PCA3: variants seen among roughly 807,000 people sequenced by gnomAD.
PCA3 encodes the protein prostate cancer associated 3.
intron 2 of PCA3, among the ~76,000 whole-genome samples, chr9:76,780,712 CAAACAA>C (rs1173300332): frequency 1.3e-5 from 2 of 152,032 alleles, no homozygotes; most frequent in African/African-American, 2.4e-5. Context: ...AACAAACAAA[CAAACAA>C]AAACAAGCAG....
chr9:76,775,313 T>TC (rs2053615010), intron 2 of PCA3, among the ~76,000 whole-genome samples: 1 of 152,186 alleles, frequency 6.6e-6, no homozygotes, highest in African/African-American at 2.4e-5. Flanking sequence ...TCTTTTTTTT[T>TC]TGAGACAAGG....
At chr9:76,777,077 C>G (rs995882320) in intron 2 of PCA3, among the ~76,000 whole-genome samples, 4 of 152,012 alleles carry the variant, frequency 2.6e-5, no homozygotes, top group African/African-American at 9.7e-5. Flanking sequence ...CCTTCTTTCT[C>G]CCCTGCCCCA....
intron 2 of PCA3, among the ~76,000 whole-genome samples, chr9:76,767,653 C>T (rs192935036): frequency 6.6e-6 from 1 of 152,276 alleles, no homozygotes; most frequent in Admixed American, 6.5e-5. Flanking sequence ...TCCTCCTCCC[C>T]TAACAGGAGG....
At chr9:76,765,522 C>T (rs1426048576) in intron 2 of PCA3, among the ~76,000 whole-genome samples, 1 of 152,124 alleles carries the variant, frequency 6.6e-6, no homozygotes, top group African/African-American at 2.4e-5. Context: ...CTCATAATTG[C>T]ATTCTAGCAA....
chr9:76,783,373 G>A (rs1455750858), intron 2 of PCA3, among the ~76,000 whole-genome samples: 1 of 152,040 alleles, frequency 6.6e-6, no homozygotes, highest in African/African-American at 2.4e-5. Flanking sequence ...CTGACCTCAG[G>A]TGACCCACCT....
intron 2 of PCA3, chr9:76,778,874 A>G (rs1236815635): frequency 6.6e-6 from 1 of 152,188 alleles, no homozygotes; most frequent in African/African-American, 2.4e-5. Context: ...TCATGGCCCA[A>G]TTTATCCTCA....
chr9:76,770,738 G>A (rs556528666), intron 2 of PCA3, among the ~76,000 whole-genome samples: 1 of 152,180 alleles, frequency 6.6e-6, no homozygotes, highest in East Asian at 1.9e-4. Context: ...TTAACCAAGA[G>A]CAGCTCAGTC....
chr9:76,768,361 T>C (rs2052665243), intron 2 of PCA3, among the ~76,000 whole-genome samples: 1 of 151,952 alleles, frequency 6.6e-6, no homozygotes, highest in African/African-American at 2.4e-5. Flanking sequence ...CCCAGTTAAT[T>C]TTTGTATTTT....
chr9:76,767,451 C>A (rs1349767120), intron 2 of PCA3, among the ~76,000 whole-genome samples: 2 of 146,466 alleles, frequency 1.4e-5, no homozygotes, highest in African/African-American at 5.0e-5. Flanking sequence ...AACTCTGTCT[C>A]AAAAAAAAAA....
intron 2 of PCA3, among the ~76,000 whole-genome samples, chr9:76,779,332 G>C (rs1339278831): frequency 6.6e-6 from 1 of 151,960 alleles, no homozygotes; most frequent in African/African-American, 2.4e-5. Flanking sequence ...TGAGATTAAG[G>C]CTCTTTGTGG....
intron 2 of PCA3, among the ~76,000 whole-genome samples, chr9:76,783,392 C>T (rs557481890): frequency 5.3e-5 from 8 of 152,266 alleles, no homozygotes; most frequent in African/African-American, 1.9e-4. Flanking sequence ...CTGCCTCAGC[C>T]TCCCAAAGTG....
chr9:76,780,719 A>AC (rs1453474778), intron 2 of PCA3, among the ~76,000 whole-genome samples: 1 of 152,054 alleles, frequency 6.6e-6, no homozygotes, highest in African/African-American at 2.4e-5. Flanking sequence ...AAACAAACAA[A>AC]AACAAGCAGC....
At chr9:76,774,967 C>A (rs2053579237) in intron 2 of PCA3, among the ~76,000 whole-genome samples, 1 of 152,096 alleles carries the variant, frequency 6.6e-6, no homozygotes, top group South Asian at 2.1e-4. Flanking sequence ...ATATCTACTA[C>A]ACAGATGAGT....
chr9:76,780,431 T>C (rs999238652), intron 2 of PCA3, among the ~76,000 whole-genome samples: 5 of 152,154 alleles, frequency 3.3e-5, no homozygotes, highest in Non-Finnish European at 7.3e-5. Flanking sequence ...CTCACGCCTG[T>C]AATCCCAGCA....
chr9:76,784,038 T>A (rs1280344073), intron 2 of PCA3: 1 of 152,214 alleles, frequency 6.6e-6, no homozygotes. Flanking sequence ...CTGGCTCACT[T>A]GGATTTATCC....
Position 76,780,834 on chromosome 9 carries a change from C to T in PCA3, n.853-27749C>T, listed in dbSNP as rs561510594. On this transcript the variant is annotated intron_variant and non_coding_transcript_variant, in intron 2 of 5. Transcript: ENST00000644657. Reference sequence around the variant, plus strand: ...TGAGGAGCCAGCTCCTCCATCGTATCGGGAGATGCCCAGGTGGGGATCTGC... The same window carrying T: ...TGAGGAGCCAGCTCCTCCATCGTATTGGGAGATGCCCAGGTGGGGATCTGC... 3.3e-5 allele frequency among the ~76,000 whole-genome samples: 5 copies of T among 152,318 alleles called. No individual in the cohort carries two copies. The South Asian group carries it at 8.3e-4, about 25-fold the overall frequency.
intron 2 of PCA3, among the ~76,000 whole-genome samples, chr9:76,776,494 ATTTTCTTTTTTTTTTTCTT>A (rs1352546850): frequency 3.9e-5 from 5 of 129,588 alleles, no homozygotes; most frequent in African/African-American, 5.7e-5. Context: ...TTTACACCAC[ATTTTCTTTTTTTTTTTCTT>A]TTTTCTTTTT....
chr9:76,768,884 TACC>T (rs1303942514), intron 2 of PCA3, among the ~76,000 whole-genome samples: 1 of 152,194 alleles, frequency 6.6e-6, no homozygotes, highest in East Asian at 1.9e-4. Flanking sequence ...GCATAATTCC[TACC>T]ACCAAAAACG....
intron 2 of PCA3, among the ~76,000 whole-genome samples, chr9:76,768,583 ATGTGTGTGTGTG>A (rs55793596): frequency 0.016 from 1,648 of 103,334 alleles, 13 homozygotes; most frequent in African/African-American, 0.025. Flanking sequence ...ATGTATATGT[ATGTGTGTGTGTG>A]TGTGTGTGTG....
Sources: allele counts gnomAD v4.1 joint callset (sites outside exome capture counted in the v4.1 genomes callset), GRCh38; gene constraint gnomAD v4.1.1; transcripts MANE v1.5; gene names NCBI Gene and HGNC (gene_info 2026-07-23, HGNC 2026-07-21).